The following DUS2 variants were observed in gnomAD, a reference collection of about 807,000 sequenced individuals.
The protein encoded by DUS2 is tRNA-dihydrouridine(20) synthase [NAD(P)+]-like.
Under a neutral mutation model 71.3 loss-of-function variants are expected in DUS2, and 52 were observed. The observed-to-expected ratio is 0.73, with a 90% confidence interval of 0.58 to 0.92. The LOEUF (loss-of-function observed/expected upper bound fraction) is 0.92. Ranked by LOEUF, DUS2 falls within the 40% of genes least tolerant of loss-of-function variation. The pLI is 0.00. For missense variants in DUS2, 558 were observed against 622.6 expected, an observed-to-expected ratio of 0.90 and a Z score of 1.10; for synonymous variants, 204 against 227.8, an observed-to-expected ratio of 0.90 and a Z score of 0.94.
rs2034203521 is a variant in DUS2 at position 68,079,167 on chromosome 16, C to T, written c.*181C>T. On this transcript the variant is annotated 3_prime_UTR_variant, in exon 17 of 17. Transcript: ENST00000565263. ...GGGCCGCCCAGGGGTGGATCCTGGC[C>T]CCTTTGGTGGATCTGAGTGACAGGG... 5 of 495,050 alleles carry T rather than the reference C, an allele frequency of 1.0e-5. No homozygotes were observed. Among genetic ancestry groups the T allele is most frequent in the Non-Finnish European group, 1.7e-5 (5 of 288,018 alleles). 30.7% of individuals were successfully genotyped at this position (495,050 alleles called of 1,614,324 possible).
rs1349900452 is a variant in DUS2 at position 68,078,888 on chromosome 16, G to T, written c.1384G>T (p.Gly462Cys). 3.1e-6 allele frequency: 5 copies of T among 1,613,528 alleles called. No individual in the cohort carries two copies. The highest frequency in any genetic ancestry group is 4.2e-6 in the Non-Finnish European group (5 of 1,179,572). Residue 462 changes from glycine to cysteine, a missense_variant, in exon 17 of 17, where the codon GGC (glycine) becomes TGC (cysteine). Transcript: ENST00000565263. ...GGAGGCTCCTGACCAAGACCCTGGGGGCCCCAGAGCTCAGGAGCTAGCACA... is the reference window on the plus strand; with the variant it reads ...GGAGGCTCCTGACCAAGACCCTGGGTGCCCCAGAGCTCAGGAGCTAGCACA... The part of the protein sequence containing the change: ...KREAPDQDPG[G>C]PRAQELAQPG...
At chr16:68,065,703 T>A (rs1245744348) in intron 8 of DUS2, among the ~76,000 whole-genome samples, 1 of 152,094 alleles carries the variant, frequency 6.6e-6, no homozygotes. Flanking sequence ...GGTCTCAAAC[T>A]CCTGGCTTCA....
chr16:68,070,291 C>A (rs2034066033), intron 11 of DUS2, 71 bp downstream of exon 11: 15 of 1,471,722 alleles, frequency 1.0e-5, no homozygotes, highest in Admixed American at 1.7e-5. Context: ...CCAGGCCCAG[C>A]CTTCCCTAGA....
chr16:68,059,942 G>T, intron 7 of DUS2, among the ~76,000 whole-genome samples: 1 of 152,142 alleles, frequency 6.6e-6, no homozygotes, highest in East Asian at 1.9e-4. Flanking sequence ...AGATTCAAGT[G>T]GTTGTGTGGG....
intron 1 of DUS2, chr16:68,024,047 A>G (rs542678262): frequency 1.3e-5 from 2 of 159,722 alleles, no homozygotes; most frequent in East Asian, 2.0e-4. Context: ...AGAATATTTT[A>G]CCTGAATTCA....
At chr16:68,027,174 GTTC>G (rs1419229893) in intron 2 of DUS2, 3 of 151,242 alleles carry the variant, frequency 2.0e-5, no homozygotes, top group Non-Finnish European at 4.4e-5. Context: ...CTGGGATAGA[GTTC>G]TTCTGTGACT....
rs947755131 is a variant in DUS2 at position 68,079,286 on chromosome 16, C to T, written c.*300C>T. The T allele has an allele frequency of 1.6e-4, 38 of 243,616 alleles. No individual in the cohort carries two copies. Among genetic ancestry groups the T allele is most frequent in the Non-Finnish European group, 2.3e-4 (29 of 127,438 alleles). 15.1% of individuals were successfully genotyped at this position (243,616 alleles called of 1,614,324 possible). On this transcript the variant is annotated 3_prime_UTR_variant, in exon 17 of 17. Coordinates refer to ENST00000565263, the MANE Select transcript of DUS2 (RefSeq NM_017803.5). Reference sequence around the variant, plus strand: ...TAAAGACACCCCCTACCCTCACCCACGGCTGGCTGCTTCAGCCTTGGGCAT... The same window carrying T: ...TAAAGACACCCCCTACCCTCACCCATGGCTGGCTGCTTCAGCCTTGGGCAT...
At chr16:68,051,882 T>C (rs1449985961) in intron 4 of DUS2, among the ~76,000 whole-genome samples, 1 of 152,168 alleles carries the variant, frequency 6.6e-6, no homozygotes, top group Non-Finnish European at 1.5e-5. Context: ...GCAGTATGGT[T>C]GGGACCATTT....
intron 2 of DUS2, among the ~76,000 whole-genome samples, chr16:68,030,488 G>A (rs2151408634): frequency 6.6e-6 from 1 of 152,182 alleles, no homozygotes; most frequent in East Asian, 1.9e-4. Context: ...CTAATCAGGA[G>A]GCTGAGGCAG....
At chr16:68,030,902 T>TA (rs1389605199) in intron 2 of DUS2, among the ~76,000 whole-genome samples, 1 of 151,940 alleles carries the variant, frequency 6.6e-6, no homozygotes, top group East Asian at 1.9e-4. Context: ...CCTGGCTAGT[T>TA]AAAAAATATA....
chr16:68,054,616 G>C lies in DUS2; in HGVS notation c.307G>C (p.Val103Leu). 1 of 1,614,206 alleles carries C rather than the reference G, an allele frequency of 6.2e-7. No individual in the cohort carries two copies. ...AERALAVARL[V>L]ENDVAGIDVN... ...GCGAGCCCTTGCTGTGGCCAGGCTT[G>C]TGTAAGTTCATCCTCTGTCTTTAGC... The change falls in exon 6 of 17, where the codon GTA becomes CTA. Residue 103 changes from valine (V) to leucine (L), a missense_variant and splice_region_variant. Val to Leu is a conservative substitution (Grantham distance 32). Transcript: ENST00000565263.
chr16:68,078,889 GC>G lies in DUS2; in HGVS notation c.1389del (p.Arg464GlufsTer5). ...KREAPDQDPG[G>X]PRAQELAQPG... The stretch of plus-strand genomic sequence containing the variant: ...GAGGCTCCTGACCAAGACCCTGGGG[GC>G]CCCAGAGCTCAGGAGCTAGCACAAC... On this transcript the variant is annotated frameshift_variant, in exon 17 of 17. Coordinates refer to ENST00000565263, the MANE Select transcript of DUS2 (RefSeq NM_017803.5). LOFTEE classifies it high-confidence loss of function. 4 of 1,613,378 alleles carry G rather than the reference GC, an allele frequency of 2.5e-6. No individual in the cohort carries two copies. The highest frequency in any genetic ancestry group is 3.4e-6 in the Non-Finnish European group (4 of 1,179,460).
intron 3 of DUS2, among the ~76,000 whole-genome samples, chr16:68,047,429 TTTG>T (rs1215401267): frequency 1.3e-5 from 2 of 152,156 alleles, no homozygotes; most frequent in Non-Finnish European, 2.9e-5. Context: ...GTTTGTCAAT[TTTG>T]TTAATATTTT....
chr16:68,058,127 G>T (rs999688326), intron 7 of DUS2, among the ~76,000 whole-genome samples: 1 of 152,054 alleles, frequency 6.6e-6, no homozygotes, highest in African/African-American at 2.4e-5. Context: ...TTTGACCAGA[G>T]GTTTGTCGAG....
intron 6 of DUS2, among the ~76,000 whole-genome samples, 155 bp downstream of exon 6, chr16:68,054,772 C>T (rs571918176): frequency 2.0e-5 from 3 of 152,172 alleles, no homozygotes; most frequent in Non-Finnish European, 2.9e-5. Context: ...CAGCCAGGTG[C>T]GGTGGCTCAT....
At chr16:68,075,226 G>A in intron 13 of DUS2, 129 bp from the exon 14 acceptor site, 1 of 856,550 alleles carries the variant, frequency 1.2e-6, no homozygotes, top group Admixed American at 3.2e-5. Flanking sequence ...CATTCTGATG[G>A]CCAGGCCCCG....
At chr16:68,067,911 C>T (rs749973373) in intron 10 of DUS2, among the ~76,000 whole-genome samples, 2 of 152,106 alleles carry the variant, frequency 1.3e-5, no homozygotes, top group Non-Finnish European at 2.9e-5. Context: ...CCTCCTGCCT[C>T]AGCCCCTCAA....
At chr16:68,050,927 A>T (rs2033770040) in intron 4 of DUS2, among the ~76,000 whole-genome samples, 1 of 152,218 alleles carries the variant, frequency 6.6e-6, no homozygotes, top group African/African-American at 2.4e-5. Flanking sequence ...GCCAGTCATG[A>T]GCTGTCTCTG....
rs116215394 is a variant in DUS2 at position 68,059,437 on chromosome 16, A to G, written c.370-1629A>G. 1.0e-3 allele frequency among the ~76,000 whole-genome samples: 156 copies of G among 152,302 alleles called. 1 individual carries two copies. Among genetic ancestry groups the G allele is most frequent in the African/African-American group, 3.6e-3 (149 of 41,576 alleles). ...ACTGAATTTTAGATCCTGTGATTCT[A>G]TAAGGAAGGGCTGGATACGTGTGAG... On this transcript the variant is annotated intron_variant, in intron 7 of 16. Transcript: ENST00000565263.
Sources: allele counts gnomAD v4.1 joint callset (sites outside exome capture counted in the v4.1 genomes callset), GRCh38; gene constraint gnomAD v4.1.1; transcripts MANE v1.5; gene names NCBI Gene and HGNC (gene_info 2026-07-23, HGNC 2026-07-21).